Variants in GRIN2A observed in about 807,000 individuals in gnomAD.
The protein encoded by GRIN2A is glutamate ionotropic receptor NMDA type subunit 2A.
GRIN2A carries 22 observed loss-of-function variants against 113.4 expected under a neutral mutation model. The ratio of observed to expected loss-of-function variants is 0.19; its 90% CI spans 0.14 to 0.28. The LOEUF is 0.28. GRIN2A is among the 10% of genes least tolerant of loss of function. The pLI is 1.00. For synonymous variants in GRIN2A, 827 were observed against 738.4 expected, an observed-to-expected ratio of 1.12 and a Z score of -1.94; for missense variants, 1,502 against 1,887.0, an observed-to-expected ratio of 0.80 and a Z score of 3.78.
At chr16:9,863,182 A>T (rs1325326704) in intron 4 of GRIN2A, among the ~76,000 whole-genome samples, 1 of 152,200 alleles carries the variant, frequency 6.6e-6, no homozygotes, top group Non-Finnish European at 1.5e-5. Context: ...ATTAAGGCAA[A>T]CATGAGCAGT....
chr16:10,142,765 T>C (rs2049353313), intron 2 of GRIN2A, among the ~76,000 whole-genome samples: 1 of 152,156 alleles, frequency 6.6e-6, no homozygotes, highest in Non-Finnish European at 1.5e-5. Flanking sequence ...ACCTAGCTTC[T>C]CTCAAGTCCC....
At chr16:10,009,170 A>G (rs1485423438) in intron 2 of GRIN2A, among the ~76,000 whole-genome samples, 1 of 152,258 alleles carries the variant, frequency 6.6e-6, no homozygotes, top group African/African-American at 2.4e-5. Context: ...CCAAATACAT[A>G]CTCAGACAAA....
intron 2 of GRIN2A, among the ~76,000 whole-genome samples, chr16:9,946,832 C>T (rs2045028706): frequency 6.6e-6 from 1 of 152,202 alleles, no homozygotes; most frequent in Non-Finnish European, 1.5e-5. Flanking sequence ...AAGAAGAAAG[C>T]TATCAGACCC....
chr16:10,107,474 T>TCTA (rs1481483646), intron 2 of GRIN2A, among the ~76,000 whole-genome samples: 3 of 152,200 alleles, frequency 2.0e-5, no homozygotes, highest in African/African-American at 7.2e-5. Context: ...TCCTGCTGGC[T>TCTA]CTGTTGCTAC....
chr16:9,763,641 C>G lies in GRIN2A; in HGVS notation c.3903G>C (p.Glu1301Asp), dbSNP rs1900701083. 2 of 1,613,232 alleles carry G rather than the reference C, an allele frequency of 1.2e-6. No individual in the cohort carries two copies. The highest frequency in any genetic ancestry group is 1.7e-6 in the Non-Finnish European group (2 of 1,180,012). The change falls in exon 13 of 13, where the codon GAG becomes GAC. Residue 1301 changes from glutamate (E) to aspartate (D), a missense_variant. Glu to Asp is a conservative substitution (Grantham distance 45, BLOSUM62 2). Around this residue, in one of 7 missense-constraint regions of GRIN2A, gnomAD observed 832 missense variants for 789.7 expected, o/e 1.05. Coordinates refer to ENST00000330684, the MANE Select transcript of GRIN2A (RefSeq NM_001134407.3). ...TCCGGGAGGGCCTGCTAAGGTCTAG[C>G]TCCCTAGGTTTGTCGACAATGTTAT... is the stretch of plus-strand genomic sequence containing the variant. ...SYDNIVDKPR[E>D]LDLSRPSRSI...
intron 3 of GRIN2A, among the ~76,000 whole-genome samples, chr16:9,937,461 C>T (rs1357075917): frequency 4.6e-5 from 7 of 152,148 alleles, no homozygotes; most frequent in Non-Finnish European, 7.4e-5. Flanking sequence ...CAAAACATCT[C>T]ATGTACCCCA....
intron 2 of GRIN2A, among the ~76,000 whole-genome samples, chr16:10,055,101 G>T (rs372498974): frequency 2.7e-5 from 1 of 36,478 alleles, no homozygotes; most frequent in African/African-American, 1.1e-4. Flanking sequence ...AAGAAAGAAA[G>T]AAAGAAAAAA....
intron 4 of GRIN2A, among the ~76,000 whole-genome samples, chr16:9,856,526 G>C (rs2042971417): frequency 6.6e-6 from 1 of 151,212 alleles, no homozygotes; most frequent in African/African-American, 2.4e-5. Context: ...TTGGGAGGCT[G>C]AGGCAGGAGA....
intron 2 of GRIN2A, among the ~76,000 whole-genome samples, chr16:10,113,350 G>A (rs1319499342): frequency 6.6e-6 from 1 of 152,176 alleles, no homozygotes; most frequent in Non-Finnish European, 1.5e-5. Context: ...CCAAGAGGAG[G>A]TCTCTGCCCC....
At chr16:9,963,022 C>G (rs1032143372) in intron 2 of GRIN2A, among the ~76,000 whole-genome samples, 2 of 149,810 alleles carry the variant, frequency 1.3e-5, no homozygotes, top group Admixed American at 6.7e-5. Flanking sequence ...ATCGCAAGGA[C>G]AAAAAACCAA....
At chr16:10,135,885 C>T (rs1352688053) in intron 2 of GRIN2A, among the ~76,000 whole-genome samples, 2 of 152,052 alleles carry the variant, frequency 1.3e-5, no homozygotes, top group East Asian at 3.9e-4. Context: ...CCTTCACAAC[C>T]CACCTACATT....
chr16:10,112,885 G>A (rs2048646814), intron 2 of GRIN2A: 2 of 484,374 alleles, frequency 4.1e-6, no homozygotes, highest in Non-Finnish European at 7.9e-6. Context: ...CTGTACTGAG[G>A]ATAGCAGTGG....
At chr16:9,848,442 C>T (rs1431813002) in intron 5 of GRIN2A, among the ~76,000 whole-genome samples, 1 of 150,910 alleles carries the variant, frequency 6.6e-6, no homozygotes, top group Non-Finnish European at 1.5e-5. Flanking sequence ...TCTTCAACTC[C>T]TGACCTCAAG....
chr16:9,960,370 C>T (rs2045413341), intron 2 of GRIN2A, among the ~76,000 whole-genome samples: 1 of 152,118 alleles, frequency 6.6e-6, no homozygotes, highest in Non-Finnish European at 1.5e-5. Flanking sequence ...AAAGATAATA[C>T]ACCCCAAAAT....
At chr16:10,070,273 C>G (rs1358097585) in intron 2 of GRIN2A, among the ~76,000 whole-genome samples, 1 of 152,106 alleles carries the variant, frequency 6.6e-6, no homozygotes, top group Non-Finnish European at 1.5e-5. Context: ...CTTTGTTTAC[C>G]AAGCACGCCT....
intron 2 of GRIN2A, among the ~76,000 whole-genome samples, chr16:9,945,829 G>T (rs2045005569): frequency 6.6e-6 from 1 of 152,132 alleles, no homozygotes; most frequent in Admixed American, 6.5e-5. Context: ...GAAAGATGCA[G>T]CCAGCATCTT....
chr16:10,057,859 C>T lies in GRIN2A; in HGVS notation c.415-119308G>A, dbSNP rs886340021. Among the ~76,000 whole-genome samples the T allele has an allele frequency of 7.9e-5, 12 of 152,214 alleles. 1 individual carries two copies. Among genetic ancestry groups the T allele is most frequent in the African/African-American group, 9.6e-5 (4 of 41,458 alleles). On this transcript the variant is annotated intron_variant, in intron 2 of 12. Transcript: ENST00000330684. ...AATAAACAAAAGCGCAGACATCACT[C>T]GTTCATTTTAAGAGATCTTGACTTT...
chr16:10,172,421 T>C (rs1477440758), intron 2 of GRIN2A, among the ~76,000 whole-genome samples: 3 of 152,240 alleles, frequency 2.0e-5, no homozygotes, highest in Admixed American at 6.5e-5. Context: ...AGATCTGCCG[T>C]CTTATCCAGG....
chr16:9,892,235 AAAAC>A (rs1408304813), intron 3 of GRIN2A, among the ~76,000 whole-genome samples: 2 of 151,878 alleles, frequency 1.3e-5, no homozygotes, highest in Admixed American at 6.6e-5. Flanking sequence ...CTGTCTCAGA[AAAAC>A]AAACAAACAA....
Sources: gnomAD v4.1 joint callset for allele counts (sites outside exome capture counted in the v4.1 genomes callset) on GRCh38, gnomAD v4.1.1 for gene constraint, gnomAD v4.1.1 regional missense constraint, MANE v1.5 for transcripts, NCBI Gene and HGNC (gene_info 2026-07-23, HGNC 2026-07-21) for gene names.